CSMD3: variants seen among roughly 807,000 people sequenced by gnomAD.
The protein encoded by CSMD3 is CUB and sushi domain-containing protein 3.
In CSMD3, 177 loss-of-function variants were observed where a neutral mutation model predicts 435.2. That is an observed-to-expected ratio of 0.41 (90% CI 0.36 to 0.46). The LOEUF is 0.46. CSMD3 is among the 20% of genes least tolerant of loss of function. The probability of loss-of-function intolerance (pLI) is 0.34; values close to 1 mark genes in which losing one functional copy is unlikely to be tolerated. For missense variants in CSMD3, 4,265 were observed against 4,504.6 expected, an observed-to-expected ratio of 0.95 and a Z score of 1.52; for synonymous variants, 1,656 against 1,520.5, an observed-to-expected ratio of 1.09 and a Z score of -2.07.
chr8:112,910,691 A>G (rs552752355), intron 10 of CSMD3, among the ~76,000 whole-genome samples: 15 of 151,976 alleles, frequency 9.9e-5, no homozygotes, highest in African/African-American at 3.1e-4. Context: ...CTTAAAAACA[A>G]TCTTTCCTCA....
intron 13 of CSMD3, 120 bp from the exon 14 acceptor site, chr8:112,690,170 T>C (rs1026117204): frequency 1.3e-6 from 1 of 750,408 alleles, no homozygotes; most frequent in Non-Finnish European, 2.3e-6. Context: ...AAAATAAATA[T>C]ATTCTCCAAT....
At chr8:112,587,031 A>T (rs1349043503) in intron 23 of CSMD3, 35 bp downstream of exon 23, 1 of 1,499,994 alleles carries the variant, frequency 6.7e-7, no homozygotes, top group Non-Finnish European at 9.3e-7. Context: ...ATGACTAAAA[A>T]TGAACAATAT....
intron 7 of CSMD3, among the ~76,000 whole-genome samples, chr8:112,960,188 T>C (rs1376697176): frequency 6.6e-6 from 1 of 151,702 alleles, no homozygotes; most frequent in Admixed American, 6.6e-5. Flanking sequence ...ATTTAACTTT[T>C]TTTTTTTTCT....
chr8:113,392,332 CAAG>C (rs1463808191), intron 1 of CSMD3, among the ~76,000 whole-genome samples: 1 of 151,990 alleles, frequency 6.6e-6, no homozygotes, highest in East Asian at 1.9e-4. Context: ...GGGCACAGGA[CAAG>C]AAGAAGGAAT....
intron 1 of CSMD3, among the ~76,000 whole-genome samples, chr8:113,383,013 AC>A (rs2094423605): frequency 1.3e-5 from 2 of 150,736 alleles, no homozygotes; most frequent in Non-Finnish European, 2.9e-5. Flanking sequence ...TAATAAATAA[AC>A]AGTTGTTAAA....
chr8:113,286,309 T>C (rs1237423487), intron 2 of CSMD3, among the ~76,000 whole-genome samples: 1 of 152,050 alleles, frequency 6.6e-6, no homozygotes, highest in African/African-American at 2.4e-5. Flanking sequence ...GAATAACTAG[T>C]CACAAGGAGA....
Position 112,313,992 on chromosome 8 carries a change from T to G in CSMD3, c.7610A>C (p.Asn2537Thr), listed in dbSNP as rs1197849688. Reference sequence around the variant, plus strand: ...TACTTCATGACCATTGCTTGTTATATTAAAAGCAGATGAATAATCCCCACT... The same window carrying G: ...TACTTCATGACCATTGCTTGTTATAGTAAAAGCAGATGAATAATCCCCACT... Reference protein sequence around the residue: ...SLSGDYSSAFNITSNGHEVFL... With the variant: ...SLSGDYSSAFTITSNGHEVFL... The change falls in exon 49 of 71, where the codon AAT (asparagine) becomes ACT (threonine). Residue 2537 changes from asparagine to threonine, a missense_variant. Transcript: ENST00000297405. 6.2e-7 allele frequency: 1 copy of G among 1,610,932 alleles called. No individual in the cohort carries two copies. The highest frequency in any genetic ancestry group is 1.7e-5 in the Admixed American group (1 of 59,992).
chr8:112,998,972 C>A (rs2085760021), intron 6 of CSMD3, among the ~76,000 whole-genome samples: 1 of 151,936 alleles, frequency 6.6e-6, no homozygotes, highest in Admixed American at 6.6e-5. Flanking sequence ...CCAATTAAAA[C>A]TTTTTTCTTT....
intron 23 of CSMD3, among the ~76,000 whole-genome samples, chr8:112,575,582 G>A (rs922285207): frequency 1.8e-4 from 28 of 152,040 alleles, no homozygotes; most frequent in Non-Finnish European, 2.1e-4. Flanking sequence ...AATCCCTGGA[G>A]GAATCTAATT....
At chr8:113,032,779 A>T (rs1226383397) in intron 5 of CSMD3, among the ~76,000 whole-genome samples, 1 of 151,588 alleles carries the variant, frequency 6.6e-6, no homozygotes, top group Admixed American at 6.6e-5. Flanking sequence ...TCTCCAGGGC[A>T]TGTCAGAGAA....
At chr8:113,401,145 A>C (rs2094508323) in intron 1 of CSMD3, among the ~76,000 whole-genome samples, 1 of 151,800 alleles carries the variant, frequency 6.6e-6, no homozygotes, top group South Asian at 2.1e-4. Flanking sequence ...GAACACTGTT[A>C]GAAATATTAA....
intron 13 of CSMD3, 128 bp from the exon 14 acceptor site, chr8:112,690,178 A>G (rs2076100045): frequency 1.1e-5 from 8 of 718,254 alleles, no homozygotes; most frequent in Non-Finnish European, 1.4e-5. Context: ...TATATTCTCC[A>G]ATCTTTTTTT....
chr8:112,852,320 C>A (rs570863860), intron 11 of CSMD3, among the ~76,000 whole-genome samples: 5 of 152,142 alleles, frequency 3.3e-5, no homozygotes, highest in Admixed American at 3.3e-4. Flanking sequence ...CAGTTTAGGA[C>A]TGAAATTTGG....
At chr8:112,965,141 C>A (rs1255621588) in intron 7 of CSMD3, among the ~76,000 whole-genome samples, 1 of 151,930 alleles carries the variant, frequency 6.6e-6, no homozygotes, top group Non-Finnish European at 1.5e-5. Context: ...GCTTTGGCAT[C>A]AGCTTTGAGC....
chr8:112,319,238 G>A (rs1257521462), intron 46 of CSMD3, among the ~76,000 whole-genome samples: 1 of 151,940 alleles, frequency 6.6e-6, no homozygotes, highest in Non-Finnish European at 1.5e-5. Flanking sequence ...TGATATAGGT[G>A]AGATATTCAA....
intron 4 of CSMD3, among the ~76,000 whole-genome samples, chr8:113,146,147 ATATAT>A (rs1400757485): frequency 6.6e-6 from 1 of 151,622 alleles, no homozygotes; most frequent in Non-Finnish European, 1.5e-5. Context: ...TAACTCAAAA[ATATAT>A]TAGAGTATAG....
At chr8:113,374,167 C>A (rs2094363800) in intron 1 of CSMD3, among the ~76,000 whole-genome samples, 1 of 151,786 alleles carries the variant, frequency 6.6e-6, no homozygotes, top group Non-Finnish European at 1.5e-5. Context: ...AGAGAACAAT[C>A]ATATATATAC....
chr8:112,606,203 A>G (rs1832778144), intron 22 of CSMD3, among the ~76,000 whole-genome samples: 1 of 152,164 alleles, frequency 6.6e-6, no homozygotes, highest in African/African-American at 2.4e-5. Flanking sequence ...CCAGGGTGGC[A>G]CAGGTTGATG....
At chr8:112,444,206 A>G (rs1815352362) in intron 32 of CSMD3, among the ~76,000 whole-genome samples, 1 of 152,222 alleles carries the variant, frequency 6.6e-6, no homozygotes, top group Non-Finnish European at 1.5e-5. Context: ...AATTAAAAAG[A>G]CTGATAATAT....
Sources: gnomAD v4.1 joint callset for allele counts (sites outside exome capture counted in the v4.1 genomes callset) on GRCh38, gnomAD v4.1.1 for gene constraint, MANE v1.5 for transcripts, NCBI Gene and HGNC (gene_info 2026-07-23, HGNC 2026-07-21) for gene names.